PDE4D: variants seen among roughly 807,000 people sequenced by gnomAD.
The protein encoded by PDE4D is phosphodiesterase 4D, also known as 3',5'-cyclic-AMP phosphodiesterase 4D.
A neutral mutation model predicts 87.4 loss-of-function variants in PDE4D; 24 were observed. The observed-to-expected ratio is 0.27, with a 90% CI of 0.20 to 0.39. The LOEUF is 0.39. Ranked by LOEUF, PDE4D falls within the 10% of genes least tolerant of loss-of-function variation. The pLI is 1.00. For synonymous variants in PDE4D, 384 were observed against 383.2 expected (o/e 1.00, Z -0.02); for missense variants, 714 against 1,041.0 (o/e 0.69, Z 4.32).
intron 1 of PDE4D, among the ~76,000 whole-genome samples, chr5:59,567,588 T>C (rs934828774): frequency 2.5e-4 from 38 of 152,240 alleles, no homozygotes; most frequent in African/African-American, 8.9e-4. Context: ...GGGACACAAA[T>C]ACATTTTAAA....
rs753989811 is a variant in PDE4D, at chr5:58,974,668, G to A, written c.2426C>T (p.Thr809Met). 7.7e-6 allele frequency: 12 copies of A among 1,554,150 alleles called. No homozygotes were observed. The highest frequency in any genetic ancestry group is 8.7e-6 in the Non-Finnish European group (10 of 1,150,334). Residue 809 changes from threonine to methionine, a missense_variant, in exon 15 of 15, where the codon ACG becomes ATG. Thr to Met is a moderately conservative substitution (Grantham distance 81, BLOSUM62 -1). Coordinates refer to ENST00000340635, the MANE Select transcript of PDE4D (RefSeq NM_001104631.2). Reference sequence around the variant, plus strand: ...GGCATGAAAGTTTTTGCACTGTTACGTGTCAGGAGAACGATCATCTATGAC... The same window carrying A: ...GGCATGAAAGTTTTTGCACTGTTACATGTCAGGAGAACGATCATCTATGAC... The part of the protein sequence containing the change: ...ACVIDDRSPD[T>M]
chr5:59,703,206 A>G (rs1342856358), intron 1 of PDE4D, among the ~76,000 whole-genome samples: 3 of 152,192 alleles, frequency 2.0e-5, no homozygotes, highest in African/African-American at 7.2e-5. Flanking sequence ...GTTTTTGACC[A>G]TAATTGCACA....
chr5:59,530,142 G>A (rs529348118), intron 1 of PDE4D, among the ~76,000 whole-genome samples: 2 of 152,132 alleles, frequency 1.3e-5, no homozygotes, highest in Non-Finnish European at 2.9e-5. Flanking sequence ...AAGCACCATT[G>A]CAGAATGTTT....
At chr5:59,213,889 T>C (rs779567752) in intron 2 of PDE4D, among the ~76,000 whole-genome samples, 2 of 152,070 alleles carry the variant, frequency 1.3e-5, no homozygotes, top group South Asian at 4.1e-4. Flanking sequence ...TCACCTGTTA[T>C]CTGTCATGTT....
chr5:59,081,270 T>C (rs986636071), intron 5 of PDE4D, among the ~76,000 whole-genome samples: 1 of 152,128 alleles, frequency 6.6e-6, no homozygotes, highest in African/African-American at 2.4e-5. Context: ...ACAAAACTAT[T>C]AAGAGCAGTA....
At chr5:60,442,792 A>T (rs978251068) in intron 1 of PDE4D, among the ~76,000 whole-genome samples, 1 of 152,170 alleles carries the variant, frequency 6.6e-6, no homozygotes, top group African/African-American at 2.4e-5. Context: ...TGCATCATTA[A>T]TGTAAATATT....
chr5:59,882,135 T>A (rs1215849168), intron 1 of PDE4D, among the ~76,000 whole-genome samples: 1 of 152,220 alleles, frequency 6.6e-6, no homozygotes, highest in Non-Finnish European at 1.5e-5. Context: ...AGAACCATAT[T>A]CTACATGAGG....
At chr5:59,998,505 A>C (rs1232630492) in intron 2 of PDE4D, among the ~76,000 whole-genome samples, 1 of 152,212 alleles carries the variant, frequency 6.6e-6, no homozygotes, top group Non-Finnish European at 1.5e-5. Context: ...ATGTTTAAAA[A>C]TAAGCTCAGA....
intron 2 of PDE4D, among the ~76,000 whole-genome samples, chr5:60,029,812 CTTG>C (rs1365851068): frequency 6.6e-6 from 1 of 152,072 alleles, no homozygotes; most frequent in African/African-American, 2.4e-5. Context: ...AGGTCAAGTG[CTTG>C]TTGGTGGTGG....
chr5:59,856,292 T>C (rs560855246), intron 1 of PDE4D, among the ~76,000 whole-genome samples: 1 of 152,266 alleles, frequency 6.6e-6, no homozygotes, highest in African/African-American at 2.4e-5. Flanking sequence ...GCCATTCTGA[T>C]GTTCATACTT....
At chr5:59,406,415 G>A (rs1452124703) in intron 1 of PDE4D, among the ~76,000 whole-genome samples, 1 of 84,334 alleles carries the variant, frequency 1.2e-5, no homozygotes, top group Non-Finnish European at 2.3e-5. Context: ...CCCCCCCATA[G>A]AGTCTTGCTC....
chr5:59,053,575 A>T (rs114772011), intron 5 of PDE4D, among the ~76,000 whole-genome samples: 1,922 of 151,100 alleles, frequency 0.013, 52 homozygotes, highest in African/African-American at 0.044. Context: ...TTCATTATAT[A>T]TCTTCATTCT....
At chr5:59,417,819 A>G (rs1793856095) in intron 1 of PDE4D, among the ~76,000 whole-genome samples, 1 of 152,224 alleles carries the variant, frequency 6.6e-6, no homozygotes, top group Non-Finnish European at 1.5e-5. Context: ...ATAGTAGGGC[A>G]GATCAGTCCA....
intron 2 of PDE4D, among the ~76,000 whole-genome samples, chr5:60,001,355 C>T (rs945271755): frequency 1.3e-5 from 2 of 152,070 alleles, no homozygotes; most frequent in Admixed American, 1.3e-4. Context: ...ATATTCAAAA[C>T]ATTGAAAGAA....
intron 1 of PDE4D, among the ~76,000 whole-genome samples, chr5:60,470,181 A>G (rs1747708711): frequency 6.6e-6 from 1 of 152,200 alleles, no homozygotes. Flanking sequence ...ACCAGTGACA[A>G]CATTTCCTTA....
intron 1 of PDE4D, among the ~76,000 whole-genome samples, chr5:60,293,527 A>C (rs1028120843): frequency 9.9e-5 from 15 of 152,066 alleles, no homozygotes; most frequent in African/African-American, 3.4e-4. Context: ...ACAAACAAAC[A>C]AACAAAAAAA....
intron 6 of PDE4D, among the ~76,000 whole-genome samples, chr5:59,011,698 T>G (rs1488975553): frequency 6.6e-6 from 1 of 152,150 alleles, no homozygotes; most frequent in African/African-American, 2.4e-5. Context: ...CTGAAAGTGA[T>G]GGGAGAATGG....
intron 3 of PDE4D, among the ~76,000 whole-genome samples, chr5:59,192,290 CA>C (rs1279792138): frequency 6.6e-6 from 1 of 152,118 alleles, no homozygotes; most frequent in Non-Finnish European, 1.5e-5. Context: ...AAACCAATCA[CA>C]AAGTTTTTAT....
intron 1 of PDE4D, among the ~76,000 whole-genome samples, chr5:60,422,668 T>C (rs1743237855): frequency 6.6e-6 from 1 of 152,132 alleles, no homozygotes; most frequent in Non-Finnish European, 1.5e-5. Flanking sequence ...AACATCATAA[T>C]GACAGGATCA....
Sources: gnomAD v4.1 joint callset for allele counts (sites outside exome capture counted in the v4.1 genomes callset) on GRCh38, gnomAD v4.1.1 for gene constraint, MANE v1.5 for transcripts, NCBI Gene and HGNC (gene_info 2026-07-23, HGNC 2026-07-21) for gene names.